GUCY1B1: variants seen among roughly 807,000 people sequenced by gnomAD.
GUCY1B1 encodes the protein guanylate cyclase 1 soluble subunit beta 1.
Under a neutral mutation model 71.0 loss-of-function variants are expected in GUCY1B1, and 43 were observed. The observed-to-expected ratio is 0.61, with a 90% CI of 0.47 to 0.78. The LOEUF is 0.78. GUCY1B1 is among the 30% of genes least tolerant of loss of function. GUCY1B1 has a pLI of 0.00. For missense variants in GUCY1B1, 535 were observed against 754.1 expected (o/e 0.71, Z 3.40); for synonymous variants, 266 against 259.7 (o/e 1.02, Z -0.23).
At chr4:155,800,286 G>A (rs1057012877) in intron 9 of GUCY1B1, among the ~76,000 whole-genome samples, 3 of 152,206 alleles carry the variant, frequency 2.0e-5, no homozygotes, top group Non-Finnish European at 4.4e-5. Flanking sequence ...ATTTTTAGAA[G>A]CCAAGTTGGA....
In GUCY1B1 at chr4:155,802,706, T is replaced by G; in HGVS notation, c.1413+127T>G. Reference sequence around the variant, plus strand: ...CAGCCTTGAGTACAGTGAGCCTCCATGTATTCACTCTTTACCATGTTCTTA... The same window carrying G: ...CAGCCTTGAGTACAGTGAGCCTCCAGGTATTCACTCTTTACCATGTTCTTA... On this transcript the variant is annotated intron_variant, in intron 10 of 13. Transcript: ENST00000264424. The surrounding 1 kb of genome is among the most constrained non-coding windows in gnomAD (Gnocchi z 4.3). The G allele has an allele frequency of 1.4e-6, 1 of 707,632 alleles. No homozygotes were observed. The highest frequency in any genetic ancestry group is 2.0e-5 in the South Asian group (1 of 50,388). The allele number at this position is 707,632 out of a possible 1,614,324, so 43.8% of individuals were successfully genotyped here.
At chr4:155,791,700 C>A (rs776875175) in intron 5 of GUCY1B1, among the ~76,000 whole-genome samples, 1 of 147,414 alleles carries the variant, frequency 6.8e-6, no homozygotes, top group African/African-American at 2.6e-5. Flanking sequence ...CACTGCACTC[C>A]AGTCTGGTTG....
At chr4:155,785,655 A>G (rs749755924) in intron 4 of GUCY1B1, among the ~76,000 whole-genome samples, 3 of 152,206 alleles carry the variant, frequency 2.0e-5, no homozygotes, top group Admixed American at 2.0e-4. Flanking sequence ...ATATAAGTGT[A>G]CTTAAATGAA....
intron 1 of GUCY1B1, chr4:155,759,578 G>C (rs1039493234): frequency 1.8e-6 from 1 of 543,378 alleles, no homozygotes. Flanking sequence ...GGGTGGGGCG[G>C]ATGGTGACGG....
intron 5 of GUCY1B1, among the ~76,000 whole-genome samples, chr4:155,793,479 T>C (rs1485750460): frequency 6.6e-6 from 1 of 152,238 alleles, no homozygotes; most frequent in Non-Finnish European, 1.5e-5. Flanking sequence ...TGTTTTAAAA[T>C]AGTATTGTAA....
chr4:155,767,669 A>G (rs996564530), intron 2 of GUCY1B1, among the ~76,000 whole-genome samples: 4 of 152,084 alleles, frequency 2.6e-5, no homozygotes, highest in Non-Finnish European at 5.9e-5. Flanking sequence ...GGGTTCAGGC[A>G]GGAAGTCGTT....
chr4:155,766,656 G>A (rs529312034), intron 2 of GUCY1B1, among the ~76,000 whole-genome samples: 3 of 152,238 alleles, frequency 2.0e-5, no homozygotes, highest in East Asian at 3.9e-4. Flanking sequence ...CTCATGTCAT[G>A]TGGATGTATT....
intron 1 of GUCY1B1, 22 bp downstream of exon 1, chr4:155,759,165 C>A (rs375519475): frequency 3.4e-5 from 54 of 1,569,930 alleles, no homozygotes; most frequent in Non-Finnish European, 4.2e-5. Context: ...CAGCCGGGTG[C>A]GGCCCGAACC....
chr4:155,780,075 T>C (rs1738306554), intron 4 of GUCY1B1, among the ~76,000 whole-genome samples: 1 of 152,164 alleles, frequency 6.6e-6, no homozygotes, highest in African/African-American at 2.4e-5. Context: ...CCTATAACTC[T>C]AGTGCTTTTT....
chr4:155,795,049 T>C (rs1377319455), intron 6 of GUCY1B1, among the ~76,000 whole-genome samples: 2 of 152,106 alleles, frequency 1.3e-5, no homozygotes, highest in Non-Finnish European at 2.9e-5. Context: ...AAATTTTCAT[T>C]TTTTCTCCTT....
chr4:155,793,114 C>T (rs748790951), intron 5 of GUCY1B1, among the ~76,000 whole-genome samples: 1 of 151,990 alleles, frequency 6.6e-6, no homozygotes, highest in African/African-American at 2.4e-5. Flanking sequence ...CTCGTTCTGT[C>T]GCCCAGGCTG....
intron 4 of GUCY1B1, among the ~76,000 whole-genome samples, chr4:155,784,374 A>T (rs548457822): frequency 1.3e-5 from 2 of 152,188 alleles, no homozygotes; most frequent in Non-Finnish European, 2.9e-5. Context: ...GGTGTTTCTC[A>T]TCATCTAGGG....
chr4:155,774,074 C>T (rs1475725038), intron 2 of GUCY1B1, among the ~76,000 whole-genome samples: 2 of 152,150 alleles, frequency 1.3e-5, no homozygotes, highest in Non-Finnish European at 2.9e-5. Flanking sequence ...ATTTTCAATG[C>T]AGTAGCCAGG....
chr4:155,772,374 T>A (rs1190948211), intron 2 of GUCY1B1, among the ~76,000 whole-genome samples: 1 of 152,232 alleles, frequency 6.6e-6, no homozygotes, highest in African/African-American at 2.4e-5. Context: ...AATTATCTGT[T>A]GCTTCCACTT....
rs941077714 is a variant in GUCY1B1 at position 155,807,405 on chromosome 4, T to C, written c.*996T>C. 5.3e-5 allele frequency: 8 copies of C among 152,184 alleles called. No homozygotes were observed. Among genetic ancestry groups the C allele is most frequent in the African/African-American group, 1.9e-4 (8 of 41,468 alleles). The allele number at this position is 152,184 out of a possible 1,614,324, so 9.4% of individuals were successfully genotyped here. A position where few individuals can be genotyped will look rare whatever the true frequency, so the allele number is the denominator to read the frequency against. The stretch of plus-strand genomic sequence containing the variant: ...ATAGAATGCATTACTGTTGGAATAA[T>C]TGGCCTCTAGCTCTTAAATGTCTCT... On this transcript the variant is annotated 3_prime_UTR_variant, in exon 14 of 14. Transcript: ENST00000264424.
At chr4:155,780,727 G>T (rs926427293) in intron 4 of GUCY1B1, among the ~76,000 whole-genome samples, 1 of 136,038 alleles carries the variant, frequency 7.4e-6, no homozygotes, top group Admixed American at 7.5e-5. Context: ...AACCCATTTC[G>T]AGTGAGATCC....
At chr4:155,790,759 A>G (rs1739101686) in intron 5 of GUCY1B1, among the ~76,000 whole-genome samples, 2 of 152,354 alleles carry the variant, frequency 1.3e-5, no homozygotes, top group South Asian at 4.1e-4. Context: ...CCTTAAGTGG[A>G]GTATTATCCA....
chr4:155,799,614 A>G (rs567949309), intron 8 of GUCY1B1, among the ~76,000 whole-genome samples: 1 of 152,322 alleles, frequency 6.6e-6, no homozygotes, highest in East Asian at 1.9e-4. Context: ...TGTTTTCTAC[A>G]TGATCGTTTC....
chr4:155,778,919 A>G (rs1212336350), intron 4 of GUCY1B1, among the ~76,000 whole-genome samples: 1 of 151,612 alleles, frequency 6.6e-6, no homozygotes, highest in Non-Finnish European at 1.5e-5. Flanking sequence ...TCTCTCTCTC[A>G]ATGCCCATGT....
Sources: allele counts gnomAD v4.1 joint callset (sites outside exome capture counted in the v4.1 genomes callset), GRCh38; gene constraint gnomAD v4.1.1; non-coding constraint Gnocchi (gnomAD v3.1); transcripts MANE v1.5; gene names NCBI Gene and HGNC (gene_info 2026-07-23, HGNC 2026-07-21).